The following DLG2 variants were observed in gnomAD, a reference collection of about 807,000 sequenced individuals.
The protein encoded by DLG2 is discs large MAGUK scaffold protein 2, also known as disks large homolog 2.
A neutral mutation model predicts 132.5 loss-of-function variants in DLG2; 45 were observed. The ratio of observed to expected loss-of-function variants is 0.34; its 90% confidence interval spans 0.27 to 0.44. The LOEUF is 0.44. Ranked by LOEUF, DLG2 falls within the 20% of genes least tolerant of loss-of-function variation. DLG2 has a pLI of 1.00. For synonymous variants in DLG2, 424 were observed against 419.6 expected (o/e 1.01, Z -0.13); for missense variants, 1,045 against 1,196.9 (o/e 0.87, Z 1.87).
At chr11:83,718,302 C>T (rs1479412825) in intron 18 of DLG2, among the ~76,000 whole-genome samples, 1 of 151,862 alleles carries the variant, frequency 6.6e-6, no homozygotes, top group Non-Finnish European at 1.5e-5. Context: ...TTTTGGAGGC[C>T]AAGGCAGCCG....
intron 6 of DLG2, among the ~76,000 whole-genome samples, chr11:84,673,930 G>C (rs1425987322): frequency 6.6e-6 from 1 of 152,110 alleles, no homozygotes; most frequent in Non-Finnish European, 1.5e-5. Flanking sequence ...GCTGTCTTCT[G>C]AATAGGAGTA....
chr11:84,974,257 T>C (rs545072887), intron 6 of DLG2, among the ~76,000 whole-genome samples: 12 of 152,338 alleles, frequency 7.9e-5, no homozygotes, highest in African/African-American at 2.4e-4. Flanking sequence ...CTTCAGTTGT[T>C]GATCTTTTCC....
chr11:84,502,452 G>T (rs1054623557), intron 7 of DLG2, among the ~76,000 whole-genome samples: 1 of 144,914 alleles, frequency 6.9e-6, no homozygotes, highest in Admixed American at 7.2e-5. Context: ...GCTAAGTGCA[G>T]TGTCTCAATC....
intron 7 of DLG2, among the ~76,000 whole-genome samples, chr11:84,255,642 T>C (rs2097456608): frequency 6.6e-6 from 1 of 152,078 alleles, no homozygotes; most frequent in Non-Finnish European, 1.5e-5. Context: ...CTTTCTTCCT[T>C]TTGGATATCC....
At chr11:83,896,866 A>G (rs1243293261) in intron 15 of DLG2, among the ~76,000 whole-genome samples, 1 of 152,206 alleles carries the variant, frequency 6.6e-6, no homozygotes, top group East Asian at 1.9e-4. Flanking sequence ...AATTATGTAT[A>G]ATAAATCAGT....
intron 15 of DLG2, among the ~76,000 whole-genome samples, chr11:83,885,404 A>G (rs1302927837): frequency 6.6e-6 from 1 of 152,220 alleles, no homozygotes; most frequent in African/African-American, 2.4e-5. Flanking sequence ...AGAAAAAAAG[A>G]ATAAAAAGAA....
intron 7 of DLG2, among the ~76,000 whole-genome samples, chr11:84,371,670 C>T (rs1475083125): frequency 6.6e-6 from 1 of 152,120 alleles, no homozygotes; most frequent in East Asian, 1.9e-4. Flanking sequence ...CCTCTTCCCT[C>T]CCAAAAAAGA....
At chr11:85,000,371 G>A (rs545748532) in intron 6 of DLG2, among the ~76,000 whole-genome samples, 25 of 152,246 alleles carry the variant, frequency 1.6e-4, no homozygotes, top group South Asian at 2.1e-4. Context: ...CATATTTGCC[G>A]AATGAATGAA....
intron 7 of DLG2, among the ~76,000 whole-genome samples, chr11:84,509,901 T>C (rs1026185937): frequency 1.3e-5 from 2 of 151,896 alleles, no homozygotes; most frequent in African/African-American, 2.4e-5. Flanking sequence ...GAAAGAGATA[T>C]TATTAAAAAC....
chr11:84,314,648 A>C (rs1279016057), intron 7 of DLG2, among the ~76,000 whole-genome samples: 1 of 152,026 alleles, frequency 6.6e-6, no homozygotes, highest in Non-Finnish European at 1.5e-5. Context: ...GAACAAGCTG[A>C]TATACTCTAG....
At chr11:84,309,840 C>T (rs1262727292) in intron 7 of DLG2, among the ~76,000 whole-genome samples, 1 of 152,204 alleles carries the variant, frequency 6.6e-6, no homozygotes, top group Non-Finnish European at 1.5e-5. Flanking sequence ...TGTCTCTCTG[C>T]ACTTTTATTT....
At chr11:85,042,993 C>A (rs534731572) in intron 6 of DLG2, among the ~76,000 whole-genome samples, 3 of 151,744 alleles carry the variant, frequency 2.0e-5, no homozygotes, top group Admixed American at 2.0e-4. Flanking sequence ...TAATTTGAAC[C>A]ATTTCAGGCA....
At chr11:84,477,745 G>A (rs747390432) in intron 7 of DLG2, among the ~76,000 whole-genome samples, 1 of 152,080 alleles carries the variant, frequency 6.6e-6, no homozygotes, top group Non-Finnish European at 1.5e-5. Flanking sequence ...TGTAATCTTG[G>A]GAGAATATGA....
At chr11:84,717,782 T>C (rs1030138765) in intron 6 of DLG2, among the ~76,000 whole-genome samples, 3 of 152,064 alleles carry the variant, frequency 2.0e-5, no homozygotes, top group Non-Finnish European at 4.4e-5. Flanking sequence ...ATTAAGGCCA[T>C]ATAAGCAACA....
chr11:84,274,180 A>G (rs2097763594), intron 7 of DLG2, among the ~76,000 whole-genome samples: 1 of 152,202 alleles, frequency 6.6e-6, no homozygotes. Context: ...TCCCTTCACC[A>G]AGGACAGTAC....
intron 6 of DLG2, among the ~76,000 whole-genome samples, chr11:84,936,517 T>C (rs1215651214): frequency 6.6e-6 from 1 of 152,114 alleles, no homozygotes; most frequent in Non-Finnish European, 1.5e-5. Context: ...ATTTTAAATA[T>C]AATGTATATT....
chr11:83,527,712 C>T (rs571447025), intron 21 of DLG2, among the ~76,000 whole-genome samples: 35 of 151,668 alleles, frequency 2.3e-4, no homozygotes, highest in Admixed American at 1.0e-3. Context: ...GGGTTTACAA[C>T]ATAAAAGAGA....
At chr11:85,592,934 C>T (rs2079463445) in intron 3 of DLG2, among the ~76,000 whole-genome samples, 1 of 127,242 alleles carries the variant, frequency 7.9e-6, no homozygotes, top group Admixed American at 9.0e-5. Flanking sequence ...GCTTGGGCAA[C>T]AGACAAGACT....
intron 4 of DLG2, among the ~76,000 whole-genome samples, chr11:85,260,476 G>A (rs747541642): frequency 2.6e-5 from 4 of 152,128 alleles, no homozygotes; most frequent in African/African-American, 9.7e-5. Context: ...AAGTTTCAAG[G>A]CTCCATGGTC....
Sources: allele counts gnomAD v4.1 joint callset (sites outside exome capture counted in the v4.1 genomes callset), GRCh38; gene constraint gnomAD v4.1.1; transcripts MANE v1.5; gene names NCBI Gene and HGNC (gene_info 2026-07-23, HGNC 2026-07-21).